RERE: variants seen among roughly 807,000 people sequenced by gnomAD.
RERE encodes the protein arginine-glutamic acid dipeptide repeats protein.
A neutral mutation model predicts 146.1 loss-of-function variants in RERE; 40 were observed. That is an observed-to-expected ratio of 0.27 (90% CI 0.21 to 0.36). The LOEUF is 0.36. Among genes scored for constraint, RERE ranks in the 10% least tolerant of loss-of-function variants. RERE has a pLI of 1.00. For synonymous variants in RERE, 1,003 were observed against 866.0 expected, an observed-to-expected ratio of 1.16 and a Z score of -2.78; for missense variants, 1,933 against 2,138.7, an observed-to-expected ratio of 0.90 and a Z score of 1.90.
chr1:8,580,986 G>A (rs1202231915), intron 4 of RERE, among the ~76,000 whole-genome samples: 1 of 152,140 alleles, frequency 6.6e-6, no homozygotes, highest in Admixed American at 6.5e-5. Flanking sequence ...ACAGGTGTGA[G>A]CAACCAGATC....
At chr1:8,419,997 A>G (rs1484256917) in intron 12 of RERE, among the ~76,000 whole-genome samples, 1 of 152,240 alleles carries the variant, frequency 6.6e-6, no homozygotes, top group African/African-American at 2.4e-5. Context: ...AGACTGCACA[A>G]TTAAAAAGAG....
At chr1:8,369,892 C>T (rs1479930069) in intron 12 of RERE, among the ~76,000 whole-genome samples, 1 of 152,150 alleles carries the variant, frequency 6.6e-6, no homozygotes, top group Admixed American at 6.5e-5. Flanking sequence ...CGGGTTCACG[C>T]CATTCTCCTG....
intron 4 of RERE, among the ~76,000 whole-genome samples, chr1:8,605,838 T>C (rs1305797063): frequency 2.1e-5 from 2 of 94,828 alleles, no homozygotes; most frequent in Non-Finnish European, 3.9e-5. Flanking sequence ...AAGTGTTAAA[T>C]ACCAAACTTT....
At chr1:8,657,573 G>A (rs575261185) in intron 1 of RERE, among the ~76,000 whole-genome samples, 10 of 152,230 alleles carry the variant, frequency 6.6e-5, no homozygotes, top group Middle Eastern at 3.4e-3. Flanking sequence ...CTGGCCAGGC[G>A]TGGTGGCTCA....
chr1:8,666,001 C>T (rs1397962198), intron 1 of RERE, among the ~76,000 whole-genome samples: 1 of 152,158 alleles, frequency 6.6e-6, no homozygotes, highest in African/African-American at 2.4e-5. Context: ...CAAACTCACA[C>T]AACTATGTGT....
At chr1:8,787,830 C>CAAAAAAAAA (rs1254862943) in intron 1 of RERE, among the ~76,000 whole-genome samples, 1 of 117,946 alleles carries the variant, frequency 8.5e-6, no homozygotes, top group Non-Finnish European at 1.7e-5. Flanking sequence ...GACTCTGCCT[C>CAAAAAAAAA]AAAAAAAAAA....
chr1:8,607,530 A>ATATATTTTTTTT (rs1646732034), intron 4 of RERE, among the ~76,000 whole-genome samples: 1 of 57,582 alleles, frequency 1.7e-5, no homozygotes, highest in East Asian at 9.6e-4. Context: ...TTTTATATAT[A>ATATATTTTTTTT]TTTCTTTTTT....
At chr1:8,415,202 A>G (rs765314580) in intron 12 of RERE, among the ~76,000 whole-genome samples, 2 of 152,238 alleles carry the variant, frequency 1.3e-5, no homozygotes, top group Non-Finnish European at 2.9e-5. Context: ...GGATAAATCC[A>G]TTGACTGTTA....
chr1:8,751,853 T>C (rs1244521070), intron 1 of RERE, among the ~76,000 whole-genome samples: 1 of 146,546 alleles, frequency 6.8e-6, no homozygotes, highest in Non-Finnish European at 1.5e-5. Context: ...AACAACAAAG[T>C]AAATATGGAA....
At chr1:8,549,904 C>T (rs914341868) in intron 6 of RERE, among the ~76,000 whole-genome samples, 18 of 152,152 alleles carry the variant, frequency 1.2e-4, no homozygotes, top group African/African-American at 4.3e-4. Context: ...CAAGGAAGGT[C>T]ATGAATGGTA....
chr1:8,578,609 T>A (rs773547429), intron 4 of RERE, among the ~76,000 whole-genome samples: 27 of 151,994 alleles, frequency 1.8e-4, no homozygotes, highest in Non-Finnish European at 3.2e-4. Context: ...AGAGCATCTA[T>A]CACTAATATT....
chr1:8,499,021 G>T (rs563152290), intron 8 of RERE, among the ~76,000 whole-genome samples: 8 of 152,110 alleles, frequency 5.3e-5, no homozygotes, highest in African/African-American at 1.4e-4. Flanking sequence ...GACTGTAAGT[G>T]ATCAGATTTA....
intron 1 of RERE, among the ~76,000 whole-genome samples, chr1:8,811,578 A>G (rs1483920282): frequency 6.6e-6 from 1 of 152,226 alleles, no homozygotes; most frequent in East Asian, 1.9e-4. Flanking sequence ...ACTGCACTCC[A>G]GCCTGAACAA....
intron 1 of RERE, among the ~76,000 whole-genome samples, chr1:8,815,122 A>AT (rs1413388845): frequency 6.6e-6 from 1 of 152,168 alleles, no homozygotes; most frequent in Non-Finnish European, 1.5e-5. Flanking sequence ...ACCAACCTCC[A>AT]TCCTTGGGCC....
chr1:8,660,213 TA>T lies in RERE; in HGVS notation c.-144-3773del, dbSNP rs889869423. Among the ~76,000 whole-genome samples, 8 of 152,186 alleles carry T rather than the reference TA, an allele frequency of 5.3e-5. No individual in the cohort carries two copies. The South Asian group carries it at 1.7e-3, about 31-fold the overall frequency. On this transcript the variant is annotated intron_variant, in intron 1 of 22. Transcript: ENST00000400908. ...TCTAAAATACAGCTCAATGGGAATA[TA>T]TTTTTTTCCTCTATGTTTAGCATAT...
intron 4 of RERE, among the ~76,000 whole-genome samples, chr1:8,564,826 ATGTGTATGTGTGTGTGTGTGTG>A (rs1290096378): frequency 2.5e-5 from 3 of 117,838 alleles, no homozygotes; most frequent in East Asian, 2.5e-4. Flanking sequence ...GTGTGTGTAT[ATGTGTATGTGTGTGTGTGTGTG>A]TGTGTGTGTG....
chr1:8,539,164 A>AAAT (rs1414054017), intron 7 of RERE, among the ~76,000 whole-genome samples: 2 of 152,376 alleles, frequency 1.3e-5, no homozygotes, highest in African/African-American at 4.8e-5. Context: ...AATATCACTA[A>AAAT]AATAACATCC....
At chr1:8,589,456 A>C (rs988372119) in intron 4 of RERE, among the ~76,000 whole-genome samples, 1 of 152,130 alleles carries the variant, frequency 6.6e-6, no homozygotes, top group Non-Finnish European at 1.5e-5. Context: ...AAACAAACAA[A>C]CACTACTGAC....
chr1:8,500,122 AAATAATAACAACAAT>A (rs1645109884), intron 8 of RERE, among the ~76,000 whole-genome samples: 1 of 152,200 alleles, frequency 6.6e-6, no homozygotes, highest in African/African-American at 2.4e-5. Flanking sequence ...CTCTGTCTCA[AAATAATAACAACAAT>A]AATAATAACA....
Sources: gnomAD v4.1 joint callset for allele counts (sites outside exome capture counted in the v4.1 genomes callset) on GRCh38, gnomAD v4.1.1 for gene constraint, MANE v1.5 for transcripts, NCBI Gene and HGNC (gene_info 2026-07-23, HGNC 2026-07-21) for gene names.